CP: variants seen among roughly 807,000 people sequenced by gnomAD.
The protein encoded by CP is ceruloplasmin, also known as caeruloplasmin.
CP carries 64 observed loss-of-function variants against 122.4 expected under a neutral mutation model. That is an observed-to-expected ratio of 0.52 (90% CI 0.43 to 0.64). The LOEUF is 0.64. CP is among the 30% of genes least tolerant of loss of function. The pLI is 0.00. For synonymous variants in CP, 440 were observed against 436.4 expected, an observed-to-expected ratio of 1.01 and a Z score of -0.10; for missense variants, 1,167 against 1,284.4, an observed-to-expected ratio of 0.91 and a Z score of 1.40.
chr3:149,185,094 G>C, intron 12 of CP, 145 bp downstream of exon 12: 1 of 731,278 alleles, frequency 1.4e-6, no homozygotes, highest in South Asian at 1.7e-5. Flanking sequence ...AAGTTCCTAG[G>C]AAGTGTTTTG....
At chr3:149,176,603 A>G in intron 17 of CP, 191 bp from the exon 18 acceptor site, 1 of 565,716 alleles carries the variant, frequency 1.8e-6, no homozygotes, top group Non-Finnish European at 3.1e-6. Flanking sequence ...TGGTATCCAC[A>G]TCAAGTGGGT....
intron 12 of CP, 147 bp from the exon 13 acceptor site, chr3:149,183,752 G>A: frequency 1.6e-6 from 1 of 633,202 alleles, no homozygotes; most frequent in Admixed American, 3.0e-5. Flanking sequence ...AAGTAGGAAT[G>A]CATAATAAGA....
intron 5 of CP, 148 bp downstream of exon 5, chr3:149,207,215 A>T: frequency 4.7e-6 from 4 of 857,396 alleles, no homozygotes; most frequent in Admixed American, 2.8e-5. Context: ...GTCTTTTTTT[A>T]TTACATTATT....
chr3:149,163,938 T>C, intron 5 of CP: 2 of 1,479,876 alleles, frequency 1.4e-6, no homozygotes, highest in Non-Finnish European at 9.5e-7. Flanking sequence ...AGAAGATCTT[T>C]CAAAATTACA....
chr3:149,182,145 G>T lies in CP; in HGVS notation c.2426-12C>A. 6.2e-7 allele frequency: 1 copy of T among 1,613,938 alleles called. No homozygotes were observed. Among genetic ancestry groups the T allele is most frequent in the Non-Finnish European group, 8.5e-7 (1 of 1,179,884 alleles). Reference sequence around the variant, plus strand: ...ATGAAGTTGTGGACCTGGCAAAAGTGAAGAGGAAGAGTGTCCAATCAGAAG... The same window carrying T: ...ATGAAGTTGTGGACCTGGCAAAAGTTAAGAGGAAGAGTGTCCAATCAGAAG... On this transcript the variant is annotated splice_polypyrimidine_tract_variant and intron_variant, in intron 13 of 18. Transcript: ENST00000264613.
Position 149,178,478 on chromosome 3 carries a change from A to T in CP, c.2815T>A (p.Ser939Thr). 6.2e-7 allele frequency: 1 copy of T among 1,613,722 alleles called. No homozygotes were observed. The highest frequency in any genetic ancestry group is 2.2e-5 in the East Asian group (1 of 44,868). ...TTGTTTACTTTCTCGGGGTGATCAGAGTATGTTTTGATGTTGTCATCTAAG... is the reference window on the plus strand; with the variant it reads ...TTGTTTACTTTCTCGGGGTGATCAGTGTATGTTTTGATGTTGTCATCTAAG... ...WYLDDNIKTYSDHPEKVNKDD... is the reference protein window; with the variant it reads ...WYLDDNIKTYTDHPEKVNKDD... The change falls in exon 16 of 19, where the codon TCT (serine) becomes ACT (threonine). Residue 939 changes from serine (S) to threonine (T), a missense_variant. By Grantham distance (58) the Ser-to-Thr change is moderately conservative (BLOSUM62 1). Around this residue, in one of 2 missense-constraint regions of CP, gnomAD observed 525 missense variants for 657.2 expected, o/e 0.80. Transcript: ENST00000264613.
At chr3:149,179,453 G>T in intron 15 of CP, 103 bp downstream of exon 15, 1 of 888,140 alleles carries the variant, frequency 1.1e-6, no homozygotes. Context: ...ATTTTCCTAG[G>T]ATTTTAACGT....
chr3:149,204,175 G>A (rs1450246481), intron 6 of CP, among the ~76,000 whole-genome samples: 2 of 152,172 alleles, frequency 1.3e-5, no homozygotes, highest in Admixed American at 6.6e-5. Context: ...ACCTAGTTAA[G>A]GTTTCAGCCT....
At chr3:149,177,698 T>C in intron 17 of CP, 142 bp downstream of exon 17, 2 of 900,218 alleles carry the variant, frequency 2.2e-6, no homozygotes, top group Non-Finnish European at 3.6e-6. Context: ...GATTGAATCC[T>C]GGGTGGGGAA....
chr3:149,177,657 A>T, intron 17 of CP, 183 bp downstream of exon 17: 1 of 686,364 alleles, frequency 1.5e-6, no homozygotes, highest in Non-Finnish European at 2.5e-6. Flanking sequence ...AACTTAGTGG[A>T]ATTATTTTTT....
chr3:149,179,741 C>CACACACACAG (rs1442610936), intron 14 of CP, 79 bp from the exon 15 acceptor site: 1 of 886,072 alleles, frequency 1.1e-6, no homozygotes, highest in Non-Finnish European at 1.9e-6. Flanking sequence ...CACACACACA[C>CACACACACAG]ACACACACAG....
chr3:149,185,708 C>T (rs561672066), intron 11 of CP, among the ~76,000 whole-genome samples: 9 of 152,274 alleles, frequency 5.9e-5, no homozygotes, highest in East Asian at 1.9e-4. Flanking sequence ...ATTTTATTCT[C>T]GTCTCTCCTT....
At chr3:149,215,210 C>G (rs528858286) in intron 1 of CP, among the ~76,000 whole-genome samples, 7 of 152,180 alleles carry the variant, frequency 4.6e-5, no homozygotes, top group Non-Finnish European at 7.4e-5. Context: ...TGTAAATACA[C>G]TTTGGCATAC....
At position 149,200,950 on chromosome 3, in the gene CP, A is replaced by G. The variant is rs373806692; in HGVS notation, c.1349-1086T>C. On this transcript the variant is annotated intron_variant, in intron 7 of 18. Coordinates refer to ENST00000264613, the MANE Select transcript of CP (RefSeq NM_000096.4). ...CCTCTGAGTCACCGCTAGGAAAAAAAAAAGTGAAGAACCAGGACAATCTGA... is the reference window on the plus strand; with the variant it reads ...CCTCTGAGTCACCGCTAGGAAAAAAGAAAGTGAAGAACCAGGACAATCTGA... Among the ~76,000 whole-genome samples the G allele has an allele frequency of 3.3e-5, 5 of 152,246 alleles. No individual in the cohort carries two copies. In the East Asian group the frequency reaches 7.7e-4, roughly 24 times the overall value.
chr3:149,207,461 G>C lies in CP; in HGVS notation c.938C>G (p.Thr313Arg). The change falls in exon 5 of 19, where the codon ACA (threonine) becomes AGA (arginine). Residue 313 changes from threonine to arginine, a missense_variant. This residue lies in a region of CP where 642 missense variants were observed against 627.3 expected (regional missense o/e 1.02). Transcript: ENST00000264613. ...ALTNKNYRID[T>R]INLFPATLFD... is the part of the protein sequence containing the mutation. ...CAGGGTAGCAGGAAAGAGGTTGATT[G>C]TGTCAATACGGTAGTTCTTGTTAGT... 6.2e-7 allele frequency: 1 copy of C among 1,613,990 alleles called. No homozygotes were observed. The highest frequency in any genetic ancestry group is 1.1e-5 in the South Asian group (1 of 91,082).
chr3:149,167,127 G>A (rs1443164383), intron 4 of CP: 17 of 1,613,828 alleles, frequency 1.1e-5, no homozygotes, highest in Admixed American at 1.7e-5. Flanking sequence ...CAGTGTCCAT[G>A]TTCTGTGTCG....
rs1476178602 is a variant in CP at position 149,163,966 on chromosome 3, CCTT to C, written c.*14-1094_*14-1092del. 1 of 1,203,616 alleles carries C rather than the reference CCTT, an allele frequency of 8.3e-7. No individual in the cohort carries two copies. Among genetic ancestry groups the C allele is most frequent in the East Asian group, 2.3e-5 (1 of 42,766 alleles). The allele number at this position is 1,203,616 out of a possible 1,614,324, so 74.6% of individuals were successfully genotyped here. A position where few individuals can be genotyped will look rare whatever the true frequency, so the allele number is the denominator to read the frequency against. On this transcript the variant is annotated intron_variant, in intron 5 of 5. Coordinates refer to the CP transcript ENST00000479771. ...AAATTACAGGTAAGTAAAAATACCT[CCTT>C]TTCTTATGAAATTGCATATTACAAT... is the stretch of plus-strand genomic sequence containing the variant.
chr3:149,192,226 C>A (rs1180611092), intron 9 of CP, among the ~76,000 whole-genome samples: 2 of 151,786 alleles, frequency 1.3e-5, no homozygotes, highest in Admixed American at 1.3e-4. Context: ...AACTAGGAAA[C>A]CTAGAAAAAT....
intron 17 of CP, chr3:149,176,631 T>A (rs1237569507): frequency 7.7e-6 from 4 of 517,934 alleles, no homozygotes; most frequent in Non-Finnish European, 1.4e-5. Flanking sequence ...AAAGATGTGA[T>A]GAGAATGAAT....
Sources: gnomAD v4.1 joint callset for allele counts (sites outside exome capture counted in the v4.1 genomes callset) on GRCh38, gnomAD v4.1.1 for gene constraint, gnomAD v4.1.1 regional missense constraint, MANE v1.5 for transcripts, NCBI Gene and HGNC (gene_info 2026-07-23, HGNC 2026-07-21) for gene names.